ZNF718: variants seen among roughly 807,000 people sequenced by gnomAD.
The protein encoded by ZNF718 is zinc finger protein 718.
A neutral mutation model predicts 2.6 loss-of-function variants in ZNF718; 3 were observed. The observed-to-expected ratio is 1.16, with a 90% CI of 0.53 to 3.01. The LOEUF is 3.01. Among genes scored for constraint, ZNF718 ranks in the 30% most tolerant of loss-of-function variants. The pLI is 0.03. For synonymous variants in ZNF718, 135 were observed against 77.9 expected (o/e 1.73, Z -3.86); for missense variants, 468 against 230.0 (o/e 2.03, Z -6.69).
rs781979351 is a variant in ZNF718, at chr4:161,999, G to C, written c.1314G>C (p.Leu438Phe). The change falls in exon 4 of 4, where the codon TTG (leucine) becomes TTC (phenylalanine). Residue 438 changes from leucine (L) to phenylalanine (F), a missense_variant. Leu to Phe is a conservative substitution (Grantham distance 22). Transcript: ENST00000510175. ...AAGCCTTTAAACAGTCCTCACACTTGAATAAACATAAGAAAATTCACACTG... is the reference window on the plus strand; with the variant it reads ...AAGCCTTTAAACAGTCCTCACACTTCAATAAACATAAGAAAATTCACACTG... Reference protein sequence around the residue: ...CGKAFKQSSHLNKHKKIHTVD... With the variant: ...CGKAFKQSSHFNKHKKIHTVD... The C allele has an allele frequency of 2.6e-6, 2 of 779,232 alleles. No individual in the cohort carries two copies. Among genetic ancestry groups the C allele is most frequent in the Non-Finnish European group, 2.4e-6 (1 of 417,128 alleles). The allele number at this position is 779,232 out of a possible 1,614,324, so 48.3% of individuals were successfully genotyped here.
intron 4 of ZNF718, chr4:201,493 C>G (rs76125013): frequency 6.5e-6 from 1 of 153,396 alleles, no homozygotes; most frequent in Non-Finnish European, 1.5e-5. Flanking sequence ...GGTGGACCTA[C>G]TGGCCTCTGA....
At chr4:147,501 G>A (rs1716118869) in intron 3 of ZNF718, among the ~76,000 whole-genome samples, 2 of 152,112 alleles carry the variant, frequency 1.3e-5, no homozygotes, top group Non-Finnish European at 1.5e-5. Context: ...TTCATGCTTG[G>A]CAGACCTGTA....
intron 3 of ZNF718, among the ~76,000 whole-genome samples, chr4:187,196 G>GT (rs1276352749): frequency 2.6e-5 from 4 of 151,406 alleles, no homozygotes; most frequent in African/African-American, 4.8e-5. Flanking sequence ...TGGTTTTTTT[G>GT]TTTTTTTGTT....
At chr4:141,039 G>A (rs782751492) in intron 3 of ZNF718, among the ~76,000 whole-genome samples, 3 of 152,104 alleles carry the variant, frequency 2.0e-5, no homozygotes, top group Admixed American at 6.5e-5. Flanking sequence ...CATTCTATCC[G>A]AAGTCTCTTC....
intron 3 of ZNF718, among the ~76,000 whole-genome samples, chr4:194,118 G>A (rs1325970722): frequency 6.6e-6 from 1 of 152,040 alleles, no homozygotes. Context: ...AAAAAACCAA[G>A]GCTGCCAAGT....
intron 3 of ZNF718, among the ~76,000 whole-genome samples, chr4:145,181 A>G (rs956729512): frequency 5.3e-5 from 8 of 152,224 alleles, no homozygotes; most frequent in Non-Finnish European, 1.2e-4. Flanking sequence ...CACTCAAACA[A>G]TAGCAATATG....
At chr4:177,771 T>C (rs915034927) in intron 3 of ZNF718, among the ~76,000 whole-genome samples, 3 of 152,122 alleles carry the variant, frequency 2.0e-5, no homozygotes, top group Admixed American at 6.6e-5. Context: ...ACTGATGAGT[T>C]CTTTATCTCA....
chr4:193,157 G>A (rs1424046133), intron 3 of ZNF718, among the ~76,000 whole-genome samples: 1 of 152,124 alleles, frequency 6.6e-6, no homozygotes, highest in Non-Finnish European at 1.5e-5. Context: ...CACCTTACTA[G>A]GGGTCCTTCT....
downstream of ZNF718, among the ~76,000 whole-genome samples, chr4:167,011 G>T (rs1011289135): frequency 6.6e-6 from 1 of 152,000 alleles, no homozygotes. Context: ...TTAATCCATC[G>T]GGAATTAATT....
intron 3 of ZNF718, among the ~76,000 whole-genome samples, chr4:146,077 CTATATATA>C (rs5742061): frequency 2.8e-4 from 40 of 143,060 alleles, no homozygotes; most frequent in Middle Eastern, 7.4e-3. Context: ...ATATAGCCTT[CTATATATA>C]TATATATATA....
intron 3 of ZNF718, among the ~76,000 whole-genome samples, chr4:184,614 A>G (rs1179142080): frequency 6.6e-6 from 1 of 152,182 alleles, no homozygotes; most frequent in Non-Finnish European, 1.5e-5. Context: ...TACCTCTGGT[A>G]GAATTCAGCT....
intron 3 of ZNF718, among the ~76,000 whole-genome samples, chr4:198,801 T>G (rs1239969895): frequency 6.6e-6 from 1 of 152,218 alleles, no homozygotes; most frequent in Non-Finnish European, 1.5e-5. Context: ...TTTAGACTTT[T>G]CAAGGACATG....
At position 124,869 on chromosome 4, in the gene ZNF718, C is replaced by T; in HGVS notation, c.3+196C>T. 7.9e-6 allele frequency: 5 copies of T among 632,140 alleles called. 1 individual carries two copies. Among genetic ancestry groups the T allele is most frequent in the South Asian group, 7.3e-5 (4 of 54,464 alleles). The allele number at this position is 632,140 out of a possible 1,614,324, so 39.2% of individuals were successfully genotyped here. On this transcript the variant is annotated intron_variant, in intron 1 of 3. Coordinates refer to ENST00000510175, the MANE Select transcript of ZNF718 (RefSeq NM_001039127.6). Reference sequence around the variant, plus strand: ...CCAGCCTGCAGCCCTCCTTGTGCAGCTCTGCGCCGGTAGCCCTGCACTTTC... The same window carrying T: ...CCAGCCTGCAGCCCTCCTTGTGCAGTTCTGCGCCGGTAGCCCTGCACTTTC...
At chr4:125,318 T>C (rs1471514987) in intron 1 of ZNF718, 1 of 152,556 alleles carries the variant, frequency 6.6e-6, no homozygotes, top group Non-Finnish European at 1.5e-5. Context: ...TGCCACATTA[T>C]TGAACTTGAG....
downstream of ZNF718, among the ~76,000 whole-genome samples, chr4:167,222 G>T (rs1717109788): frequency 6.6e-6 from 1 of 152,012 alleles, no homozygotes; most frequent in Non-Finnish European, 1.5e-5. Flanking sequence ...CTCTGTTTTG[G>T]TACCAGTACC....
rs141510265 is a variant in ZNF718, at chr4:141,220, T to C, written c.226+9715T>C. ...ATAGTTTTGTCTAATTCAATAGTTA[T>C]CTAAAAGTTGGTTCAAATTACAGAT... On this transcript the variant is annotated intron_variant, in intron 3 of 3. Transcript: ENST00000510175. Among the ~76,000 whole-genome samples the C allele has an allele frequency of 7.7e-3, 1,165 of 152,260 alleles. 14 individuals carry two copies. Among genetic ancestry groups the C allele is most frequent in the African/African-American group, 0.026 (1,098 of 41,546 alleles).
At chr4:158,309 AT>A (rs1159303984) in intron 3 of ZNF718, among the ~76,000 whole-genome samples, 2 of 151,980 alleles carry the variant, frequency 1.3e-5, no homozygotes, top group East Asian at 1.9e-4. Context: ...TGTTTTTTTA[AT>A]TGTTAAAATT....
intron 3 of ZNF718, among the ~76,000 whole-genome samples, chr4:171,800 G>A (rs1349994924): frequency 6.6e-6 from 1 of 152,198 alleles, no homozygotes; most frequent in Non-Finnish European, 1.5e-5. Flanking sequence ...CCCGGGTGAG[G>A]CAATGCCTCG....
chr4:137,778 C>T (rs1553809605), intron 3 of ZNF718, among the ~76,000 whole-genome samples: 1 of 151,314 alleles, frequency 6.6e-6, no homozygotes, highest in Non-Finnish European at 1.5e-5. Context: ...TCGGGACTGA[C>T]TAAATGTTTA....
Sources: allele counts gnomAD v4.1 joint callset (sites outside exome capture counted in the v4.1 genomes callset), GRCh38; gene constraint gnomAD v4.1.1; transcripts MANE v1.5; gene names NCBI Gene and HGNC (gene_info 2026-07-23, HGNC 2026-07-21).